Variants in UNC5A observed in about 807,000 individuals in gnomAD.
The protein encoded by UNC5A is netrin receptor UNC5A.
In UNC5A, 20 loss-of-function variants were observed where a neutral mutation model predicts 87.4. The observed-to-expected ratio is 0.23, with a 90% confidence interval of 0.16 to 0.33. UNC5A has a LOEUF of 0.33. Among genes scored for constraint, UNC5A ranks in the 10% least tolerant of loss-of-function variants. The pLI is 1.00. For missense variants in UNC5A, 844 were observed against 1,133.4 expected (o/e 0.74, Z 3.67); for synonymous variants, 438 against 482.3 (o/e 0.91, Z 1.20).
At chr5:176,826,456 G>A (rs549889984) in intron 1 of UNC5A, among the ~76,000 whole-genome samples, 37 of 152,300 alleles carry the variant, frequency 2.4e-4, no homozygotes, top group Non-Finnish European at 1.3e-4. Flanking sequence ...TAGTCCAACC[G>A]ATGAAGTTGG....
At chr5:176,833,057 T>C (rs1209889384) in intron 1 of UNC5A, among the ~76,000 whole-genome samples, 1 of 152,196 alleles carries the variant, frequency 6.6e-6, no homozygotes, top group Non-Finnish European at 1.5e-5. Context: ...AAACCCAGGA[T>C]GCAGGTAGCT....
intron 1 of UNC5A, among the ~76,000 whole-genome samples, chr5:176,853,947 G>A (rs1012479054): frequency 1.6e-4 from 24 of 152,330 alleles, no homozygotes; most frequent in East Asian, 3.9e-4. Context: ...CTATTTGCCC[G>A]TTTCACAAAT....
At chr5:176,858,778 AGCAAGCAGGCAG>A (rs1554098988) in intron 1 of UNC5A, among the ~76,000 whole-genome samples, 97 of 36,472 alleles carry the variant, frequency 2.7e-3, no homozygotes, top group South Asian at 0.01. Context: ...AAGGAAGGCA[AGCAAGCAGGCAG>A]GGAGGGAGGG....
At chr5:176,826,027 G>A (rs997738077) in intron 1 of UNC5A, among the ~76,000 whole-genome samples, 5 of 152,242 alleles carry the variant, frequency 3.3e-5, no homozygotes, top group Admixed American at 6.5e-5. Context: ...AGCAGGCTGC[G>A]GGTGCAGCAA....
rs528154787 is a variant in UNC5A at position 176,851,976 on chromosome 5, T to C, written c.71-10648T>C. The stretch of plus-strand genomic sequence containing the variant: ...TCGCTGTGTGTCCTTGAGCTAGTCA[T>C]CCCGTCTCTGAACTCATTTCCTCAT... On this transcript the variant is annotated intron_variant, in intron 1 of 14. Transcript: ENST00000329542. Among the ~76,000 whole-genome samples the C allele has an allele frequency of 4.9e-4, 74 of 152,290 alleles. 1 individual carries two copies. The highest frequency in any genetic ancestry group is 1.8e-3 in the African/African-American group (73 of 41,568).
At position 176,875,376 on chromosome 5, in the gene UNC5A, T is replaced by C. The variant is rs1323068250; in HGVS notation, c.1378+810T>C. 1.3e-5 allele frequency among the ~76,000 whole-genome samples: 2 copies of C among 150,344 alleles called. No individual in the cohort carries two copies. The highest frequency in any genetic ancestry group is 4.9e-5 in the African/African-American group (2 of 40,834). The stretch of plus-strand genomic sequence containing the variant: ...CCGTCTCCCACCCTCCCCCAGAGCC[T>C]CCCCATTCCTGGCTTCCCCCAGTTC... On this transcript the variant is annotated intron_variant, in intron 8 of 14. Transcript: ENST00000329542. This position sits in a 1 kb window ranked among gnomAD's most constrained non-coding sequence, Gnocchi z 5.2.
At chr5:176,840,594 A>C (rs1757251823) in intron 1 of UNC5A, among the ~76,000 whole-genome samples, 1 of 152,200 alleles carries the variant, frequency 6.6e-6, no homozygotes, top group Non-Finnish European at 1.5e-5. Flanking sequence ...TCAGAGTGGC[A>C]GAGGGCTCAT....
At chr5:176,826,397 C>T (rs896315885) in intron 1 of UNC5A, among the ~76,000 whole-genome samples, 9 of 152,222 alleles carry the variant, frequency 5.9e-5, no homozygotes, top group African/African-American at 2.2e-4. Context: ...TTCCACCCTT[C>T]GCAGGCCTCA....
intron 1 of UNC5A, among the ~76,000 whole-genome samples, chr5:176,818,711 G>T (rs140596217): frequency 6.9e-4 from 105 of 152,262 alleles, no homozygotes; most frequent in Non-Finnish European, 1.4e-3. Context: ...TACTGCCAGG[G>T]CCTCTCTGGT....
chr5:176,827,490 C>A, intron 1 of UNC5A, among the ~76,000 whole-genome samples: 1 of 152,114 alleles, frequency 6.6e-6, no homozygotes. Context: ...GCCTTCATTC[C>A]TTTTTGTGGT....
At chr5:176,813,888 A>G (rs1444899241) in intron 1 of UNC5A, among the ~76,000 whole-genome samples, 1 of 152,136 alleles carries the variant, frequency 6.6e-6, no homozygotes, top group Non-Finnish European at 1.5e-5. Context: ...GTCCACGCAT[A>G]TGCATGCGGG....
rs544266330 is a variant in UNC5A, at chr5:176,877,288, G to C, written c.1466+9G>C. 6.2e-7 allele frequency: 1 copy of C among 1,609,388 alleles called. No homozygotes were observed. The highest frequency in any genetic ancestry group is 1.1e-5 in the South Asian group (1 of 90,932). On this transcript the variant is annotated intron_variant, in intron 9 of 14. Transcript: ENST00000329542. Reference sequence around the variant, plus strand: ...AAGCCGGAAGACGTGAGGTGTGGCCGCGGGCCCTGTTGCCGGGGGTGGGAG... The same window carrying C: ...AAGCCGGAAGACGTGAGGTGTGGCCCCGGGCCCTGTTGCCGGGGGTGGGAG...
At position 176,880,215 on chromosome 5, in the gene UNC5A, G is replaced by A. The variant is rs1758383323; in HGVS notation, c.*329G>A. 1 of 265,894 alleles carries A rather than the reference G, an allele frequency of 3.8e-6. No individual in the cohort carries two copies. The highest frequency in any genetic ancestry group is 9.0e-5 in the East Asian group (1 of 11,060). 16.5% of individuals were successfully genotyped at this position (265,894 alleles called of 1,614,324 possible). On this transcript the variant is annotated 3_prime_UTR_variant, in exon 15 of 15. Transcript: ENST00000329542. The stretch of plus-strand genomic sequence containing the variant: ...CCTCCCGTCCCTCTCCAGGGGCCCC[G>A]CATACACACGGCCATGCACGCACAC...
intron 1 of UNC5A, among the ~76,000 whole-genome samples, chr5:176,815,971 T>C (rs892535981): frequency 1.5e-4 from 23 of 152,236 alleles, no homozygotes; most frequent in Admixed American, 1.5e-3. Context: ...TCTCTGACTC[T>C]CAGGACATGG....
In UNC5A at chr5:176,874,584, G is replaced by T. The variant is rs1758216186; in HGVS notation, c.1378+18G>T. The T allele has an allele frequency of 6.6e-7, 1 of 1,509,428 alleles. No homozygotes were observed. Among genetic ancestry groups the T allele is most frequent in the Admixed American group, 2.2e-5 (1 of 45,554 alleles). 93.5% of individuals were successfully genotyped at this position (1,509,428 alleles called of 1,614,324 possible). A position where few individuals can be genotyped will look rare whatever the true frequency, so the allele number is the denominator to read the frequency against. ...TAATACAGGTAGGAAGGACCCCAGG[G>T]GGCTCTGAGAGCTCCACTTCCCTCC... On this transcript the variant is annotated intron_variant, in intron 8 of 14. Transcript: ENST00000329542. This position sits in a 1 kb window ranked among gnomAD's most constrained non-coding sequence, Gnocchi z 7.6.
chr5:176,834,701 CTCTG>C (rs1185610052), intron 1 of UNC5A, among the ~76,000 whole-genome samples: 2 of 148,492 alleles, frequency 1.3e-5, no homozygotes, highest in African/African-American at 5.0e-5. Flanking sequence ...CTCTCTCTCT[CTCTG>C]TCTCTCTGTC....
At chr5:176,878,687 A>T (rs778405635) in intron 13 of UNC5A, 48 bp downstream of exon 13, 1 of 1,561,910 alleles carries the variant, frequency 6.4e-7, no homozygotes, top group Non-Finnish European at 8.7e-7. Context: ...CCCACTACCA[A>T]CTCCCCACCA....
At chr5:176,852,143 G>A (rs906914195) in intron 1 of UNC5A, among the ~76,000 whole-genome samples, 1 of 152,178 alleles carries the variant, frequency 6.6e-6, no homozygotes, top group African/African-American at 2.4e-5. Context: ...GCTGCCACAG[G>A]CCTTGCCAGG....
At position 176,878,541 on chromosome 5, in the gene UNC5A, C is replaced by G; in HGVS notation, c.2086C>G (p.Arg696Gly). Residue 696 changes from arginine (R) to glycine (G), a missense_variant, in exon 13 of 15, where the codon CGT becomes GGT. By Grantham distance (125) the Arg-to-Gly change is moderately radical. Coordinates refer to ENST00000329542, the MANE Select transcript of UNC5A (RefSeq NM_133369.3). ...CTTGCACTGCACCTTCACCCTGGAG[C>G]GTGTCAGCCCCAGCACTAGTGACCT... ...RYLHCTFTLE[R>G]VSPSTSDLAC... 2.5e-6 allele frequency: 4 copies of G among 1,613,196 alleles called. No homozygotes were observed. The highest frequency in any genetic ancestry group is 1.1e-5 in the South Asian group (1 of 91,088).
Sources: gnomAD v4.1 joint callset for allele counts (sites outside exome capture counted in the v4.1 genomes callset) on GRCh38, gnomAD v4.1.1 for gene constraint, Gnocchi (gnomAD v3.1) non-coding constraint, MANE v1.5 for transcripts, NCBI Gene and HGNC (gene_info 2026-07-23, HGNC 2026-07-21) for gene names.